Variants in NATD1 observed in about 807,000 individuals in gnomAD.
NATD1 encodes the protein N-acetyltransferase domain containing 1.
Under a neutral mutation model 12.0 loss-of-function variants are expected in NATD1, and 9 were observed. The observed-to-expected ratio is 0.75, with a 90% CI of 0.45 to 1.30. NATD1 has a LOEUF of 1.30. Ranked by LOEUF, NATD1 falls within the 50% of genes most tolerant of loss-of-function variation. The pLI, the probability that NATD1 is intolerant of heterozygous loss-of-function variation, is 0.00. For missense variants in NATD1, 148 were observed against 148.5 expected, an observed-to-expected ratio of 1.00 and a Z score of 0.02; for synonymous variants, 71 against 65.9, an observed-to-expected ratio of 1.08 and a Z score of -0.37.
chr17:21,251,308 A>AAC (rs1975373996), intron 1 of NATD1, among the ~76,000 whole-genome samples: 1 of 151,882 alleles, frequency 6.6e-6, no homozygotes, highest in Non-Finnish European at 1.5e-5. Flanking sequence ...AAAAAAAAAA[A>AAC]AAACAAACGT....
rs544381450 is a variant in NATD1 at position 21,249,505 on chromosome 17, C to T, written c.106+3654G>A. 5.3e-5 allele frequency among the ~76,000 whole-genome samples: 8 copies of T among 152,268 alleles called. No homozygotes were observed. In the South Asian group the frequency reaches 1.0e-3, roughly 20 times the overall value. Reference sequence around the variant, plus strand: ...CCTCATATTGGGGCTGTGATCTGAGCACCTCCCAAAGCCTGGGGCTGTGAT... The same window carrying T: ...CCTCATATTGGGGCTGTGATCTGAGTACCTCCCAAAGCCTGGGGCTGTGAT... On this transcript the variant is annotated intron_variant, in intron 1 of 2. Transcript: ENST00000611551.
chr17:21,251,405 G>A (rs535378273), intron 1 of NATD1, among the ~76,000 whole-genome samples: 1 of 152,194 alleles, frequency 6.6e-6, no homozygotes, highest in African/African-American at 2.4e-5. Flanking sequence ...CAGAAGAGAG[G>A]ATTTGAAAGC....
At chr17:21,249,478 G>A (rs150284205) in intron 1 of NATD1, among the ~76,000 whole-genome samples, 22 of 152,226 alleles carry the variant, frequency 1.4e-4, no homozygotes, top group African/African-American at 5.3e-4. Flanking sequence ...CACAGCCAGC[G>A]GCCTCATATT....
chr17:21,247,376 TG>T (rs1359268709), intron 1 of NATD1, among the ~76,000 whole-genome samples: 1 of 152,220 alleles, frequency 6.6e-6, no homozygotes, highest in Non-Finnish European at 1.5e-5. Flanking sequence ...CCTCAGGCTG[TG>T]GCTCCCAGGA....
chr17:21,248,037 C>T (rs1016200477), intron 1 of NATD1, among the ~76,000 whole-genome samples: 1 of 152,066 alleles, frequency 6.6e-6, no homozygotes, highest in South Asian at 2.1e-4. Context: ...CAGAGGGCAT[C>T]TGGGGTGGCC....
rs373962507 is a variant in NATD1 at position 21,243,479 on chromosome 17, G to A, written c.226-50C>T. 150 of 1,480,626 alleles carry A rather than the reference G, an allele frequency of 1.0e-4. 1 individual carries two copies. The African/African-American group carries it at 1.1e-3, about 11-fold the overall frequency. The allele number at this position is 1,480,626 out of a possible 1,614,324, so 91.7% of individuals were successfully genotyped here. ...TGGTCAGGGCCTGCAGCCGGCACCA[G>A]AAGGTAGCATTGTCTGCTGCCTCCC... On this transcript the variant is annotated intron_variant, in intron 2 of 2. Transcript: ENST00000611551.
At chr17:21,252,876 C>T (rs1257436487) in intron 1 of NATD1, among the ~76,000 whole-genome samples, 2 of 151,906 alleles carry the variant, frequency 1.3e-5, no homozygotes, top group Non-Finnish European at 2.9e-5. Context: ...GGCCCCTGTC[C>T]GCCCTGGCCC....
intron 1 of NATD1, among the ~76,000 whole-genome samples, chr17:21,249,630 G>A (rs1056282361): frequency 6.6e-6 from 1 of 152,200 alleles, no homozygotes; most frequent in African/African-American, 2.4e-5. Context: ...GGTTAGGGAG[G>A]ACGCAGAAAG....
rs1975295665 is a variant in NATD1, at chr17:21,243,349, G to T, written c.306C>A (p.Asn102Lys). The T allele has an allele frequency of 1.9e-6, 3 of 1,613,334 alleles. No individual in the cohort carries two copies. Among genetic ancestry groups the T allele is most frequent in the Non-Finnish European group, 2.5e-6 (3 of 1,179,962 alleles). Residue 102 changes from asparagine (N) to lysine (K), a missense_variant, in exon 3 of 3, where the codon AAC (asparagine) becomes AAA (lysine). By Grantham distance (94) the Asn-to-Lys change is moderately conservative. Coordinates refer to ENST00000611551, the MANE Select transcript of NATD1 (RefSeq NM_152914.3). ...CWYIQKYVKENPLPQYLERLQ... is the reference protein window; with the variant it reads ...CWYIQKYVKEKPLPQYLERLQ... ...GGCGCTCCAGGTACTGCGGCAGGGG[G>T]TTCTCCTTGACGTACTTCTGGATGT... is the stretch of plus-strand genomic sequence containing the variant.
In NATD1 at chr17:21,244,759, CG is replaced by C. The variant is rs1567645163; in HGVS notation, c.107-536del. Among the ~76,000 whole-genome samples the C allele has an allele frequency of 5.3e-5, 8 of 152,234 alleles. No individual in the cohort carries two copies. The highest frequency in any genetic ancestry group is 1.5e-5 in the Non-Finnish European group (1 of 68,040). On this transcript the variant is annotated intron_variant, in intron 1 of 2. Coordinates refer to ENST00000611551, the MANE Select transcript of NATD1 (RefSeq NM_152914.3). The surrounding 1 kb of genome is among the most constrained non-coding windows in gnomAD (Gnocchi z 5.2). Reference sequence around the variant, plus strand: ...TGTGGTAGAGTTCATGAGAAACTGACGCTGGGCACAGGAGGCAGGAACAAAC... The same window carrying C: ...TGTGGTAGAGTTCATGAGAAACTGACCTGGGCACAGGAGGCAGGAACAAAC...
In NATD1 at chr17:21,242,679, T is replaced by TACCACCACAC. The variant is rs1177417155; in HGVS notation, c.*633_*634insGTGTGGTGGT. ...CCGGCACCCACCACCAGCCCGCCTG[T>TACCACCACAC]AGACTGCATCCTGTGTGTTCACATG... On this transcript the variant is annotated 3_prime_UTR_variant, in exon 3 of 3. Coordinates refer to ENST00000611551, the MANE Select transcript of NATD1 (RefSeq NM_152914.3). 5.2e-5 allele frequency: 8 copies of TACCACCACAC among 152,834 alleles called. No homozygotes were observed. Among genetic ancestry groups the TACCACCACAC allele is most frequent in the African/African-American group, 1.9e-4 (8 of 41,476 alleles). 9.5% of individuals were successfully genotyped at this position (152,834 alleles called of 1,614,324 possible).
intron 1 of NATD1, among the ~76,000 whole-genome samples, chr17:21,247,511 C>T (rs536940560): frequency 7.5e-4 from 114 of 152,344 alleles, no homozygotes; most frequent in African/African-American, 2.5e-3. Context: ...TCTCACAGCC[C>T]CATGTACAGA....
rs186450765 is a variant in NATD1, at chr17:21,250,563, G to T, written c.106+2596C>A. ...TGGTAGGTGCTCAACAAATACTTGC[G>T]GGGTGAATCACAGCTCTTCCACCTC... On this transcript the variant is annotated intron_variant, in intron 1 of 2. Coordinates refer to ENST00000611551, the MANE Select transcript of NATD1 (RefSeq NM_152914.3). Among the ~76,000 whole-genome samples, 19 of 152,242 alleles carry T rather than the reference G, an allele frequency of 1.2e-4. 1 individual carries two copies. The highest frequency in any genetic ancestry group is 1.0e-3 in the Admixed American group (16 of 15,274).
rs548678939 is a variant in NATD1, at chr17:21,243,118, C to T, written c.*195G>A. 6 of 543,874 alleles carry T rather than the reference C, an allele frequency of 1.1e-5. No homozygotes were observed. The highest frequency in any genetic ancestry group is 1.9e-5 in the African/African-American group (1 of 52,990). The allele number at this position is 543,874 out of a possible 1,614,324, so 33.7% of individuals were successfully genotyped here. On this transcript the variant is annotated 3_prime_UTR_variant, in exon 3 of 3. Transcript: ENST00000611551. ...TGCCGGGACTACCTGGCCTCCTTGC[C>T]GCCTCGGTTACCGGGTCACCGCCCA...
At chr17:21,251,294 A>G (rs1975372930) in intron 1 of NATD1, among the ~76,000 whole-genome samples, 2 of 101,334 alleles carry the variant, frequency 2.0e-5, no homozygotes, top group Admixed American at 1.9e-4. Flanking sequence ...AAAGAAAAAG[A>G]AAAAAAAAAA....
At chr17:21,249,844 T>TCA (rs1370926032) in intron 1 of NATD1, among the ~76,000 whole-genome samples, 3 of 152,220 alleles carry the variant, frequency 2.0e-5, no homozygotes, top group Non-Finnish European at 2.9e-5. Context: ...CTGTGCGCCT[T>TCA]GGTTTCCCCA....
Position 21,253,183 on chromosome 17 carries a change from G to T in NATD1, c.82C>A (p.Arg28Ser). The change falls in exon 1 of 3, where the codon CGC (arginine) becomes AGC (serine). Residue 28 changes from arginine to serine, a missense_variant. By Grantham distance (110) the Arg-to-Ser change is moderately radical. Transcript: ENST00000611551. ...PIRVEHDRRR[R>S]QFTVRLNGCH... The stretch of plus-strand genomic sequence containing the variant: ...CCGTTGAGCCGGACAGTGAACTGGC[G>T]GCGCCGGCGGTCGTGCTCCACGCGG... The T allele has an allele frequency of 9.8e-7, 1 of 1,018,014 alleles. No homozygotes were observed. The highest frequency in any genetic ancestry group is 1.2e-6 in the Non-Finnish European group (1 of 852,594). The allele number at this position is 1,018,014 out of a possible 1,614,324, so 63.1% of individuals were successfully genotyped here. A position where few individuals can be genotyped will look rare whatever the true frequency, so the allele number is the denominator to read the frequency against.
Position 21,243,290 on chromosome 17 carries a change from G to A in NATD1, c.*23C>T, listed in dbSNP as rs2144357342. 6.2e-7 allele frequency: 1 copy of A among 1,600,084 alleles called. No homozygotes were observed. The highest frequency in any genetic ancestry group is 2.2e-5 in the East Asian group (1 of 44,806). ...GCCACGTGGAAGAGTCCGGCAGGGA[G>A]CGCTCCCGCCTGCAGGCCAGGGTTA... is the stretch of plus-strand genomic sequence containing the variant. On this transcript the variant is annotated 3_prime_UTR_variant, in exon 3 of 3. Transcript: ENST00000611551.
At chr17:21,249,895 A>T (rs1459044941) in intron 1 of NATD1, among the ~76,000 whole-genome samples, 1 of 152,232 alleles carries the variant, frequency 6.6e-6, no homozygotes, top group Non-Finnish European at 1.5e-5. Flanking sequence ...GAACCAGGAT[A>T]TGGCATCAGA....
Sources: gnomAD v4.1 joint callset for allele counts (sites outside exome capture counted in the v4.1 genomes callset) on GRCh38, gnomAD v4.1.1 for gene constraint, Gnocchi (gnomAD v3.1) non-coding constraint, MANE v1.5 for transcripts, NCBI Gene and HGNC (gene_info 2026-07-23, HGNC 2026-07-21) for gene names.